ATXN7L1: variants seen among roughly 807,000 people sequenced by gnomAD.
The protein encoded by ATXN7L1 is ataxin 7 like 1.
Under a neutral mutation model 70.8 loss-of-function variants are expected in ATXN7L1, and 15 were observed. The ratio of observed to expected loss-of-function variants is 0.21; its 90% CI spans 0.14 to 0.33. The LOEUF (loss-of-function observed/expected upper bound fraction) is 0.33, where lower values mean the gene tolerates loss of function less well. Among genes scored for constraint, ATXN7L1 ranks in the 10% least tolerant of loss-of-function variants. ATXN7L1 has a pLI of 1.00. For synonymous variants in ATXN7L1, 440 were observed against 445.1 expected (o/e 0.99, Z 0.14); for missense variants, 975 against 1,097.1 (o/e 0.89, Z 1.57).
At chr7:105,797,402 G>T (rs1305655397) in intron 2 of ATXN7L1, among the ~76,000 whole-genome samples, 1 of 152,232 alleles carries the variant, frequency 6.6e-6, no homozygotes, top group Non-Finnish European at 1.5e-5. Flanking sequence ...TTCCTCAGGA[G>T]AAGGACCTTT....
chr7:105,720,643 C>T (rs944594402), intron 3 of ATXN7L1, among the ~76,000 whole-genome samples: 2 of 152,002 alleles, frequency 1.3e-5, no homozygotes, highest in East Asian at 3.9e-4. Flanking sequence ...GCTGGCTTTA[C>T]TATTTTTGGT....
intron 2 of ATXN7L1, among the ~76,000 whole-genome samples, chr7:105,796,453 C>A (rs1215390626): frequency 9.2e-5 from 14 of 152,178 alleles, no homozygotes; most frequent in Admixed American, 9.2e-4. Flanking sequence ...ATGTGACAAA[C>A]CTGTGACAAT....
chr7:105,692,428 C>CCCTCCCTCCTTCCTTCCTTCCTT (rs1791107168), intron 3 of ATXN7L1, among the ~76,000 whole-genome samples: 4 of 53,760 alleles, frequency 7.4e-5, no homozygotes, highest in South Asian at 7.7e-4. Context: ...CTTCCTTCCT[C>CCCTCCCTCCTTCCTTCCTTCCTT]CCTCCCTCCC....
chr7:105,804,111 T>G (rs891976500), intron 2 of ATXN7L1, among the ~76,000 whole-genome samples: 4 of 152,184 alleles, frequency 2.6e-5, no homozygotes, highest in African/African-American at 9.6e-5. Context: ...GAGGCTAGAA[T>G]GGGGTGCCCA....
intron 3 of ATXN7L1, among the ~76,000 whole-genome samples, chr7:105,749,162 G>C (rs553963457): frequency 3.3e-5 from 5 of 152,114 alleles, no homozygotes; most frequent in African/African-American, 1.2e-4. Flanking sequence ...ACAGGCCAAG[G>C]GGTTGGTGGA....
At chr7:105,759,446 G>A (rs1472202626) in intron 3 of ATXN7L1, among the ~76,000 whole-genome samples, 2 of 113,072 alleles carry the variant, frequency 1.8e-5, no homozygotes, top group African/African-American at 3.6e-5. Flanking sequence ...AGCTTGGATA[G>A]TGAGTGTGTG....
intron 4 of ATXN7L1, among the ~76,000 whole-genome samples, chr7:105,651,840 T>C (rs1305135963): frequency 2.0e-5 from 3 of 152,194 alleles, no homozygotes; most frequent in Non-Finnish European, 2.9e-5. Flanking sequence ...ATGTTAGGCA[T>C]TGGGGCTCTC....
chr7:105,773,735 G>A (rs1019653638), intron 3 of ATXN7L1, among the ~76,000 whole-genome samples: 4 of 151,994 alleles, frequency 2.6e-5, no homozygotes, highest in South Asian at 2.1e-4. Context: ...CTCCAGTGCC[G>A]GCTGAATAAT....
chr7:105,647,822 T>C (rs1799276416), intron 4 of ATXN7L1, among the ~76,000 whole-genome samples: 1 of 152,226 alleles, frequency 6.6e-6, no homozygotes, highest in Admixed American at 6.5e-5. Context: ...ATCTCTTTGG[T>C]GACACTTCTT....
chr7:105,713,319 C>A (rs771765353), intron 3 of ATXN7L1, among the ~76,000 whole-genome samples: 15 of 152,316 alleles, frequency 9.8e-5, no homozygotes, highest in South Asian at 4.1e-4. Flanking sequence ...GAGAACCACA[C>A]TTGGTGTAGC....
intron 3 of ATXN7L1, among the ~76,000 whole-genome samples, chr7:105,766,831 G>A (rs1801323544): frequency 6.6e-6 from 1 of 152,202 alleles, no homozygotes; most frequent in Admixed American, 6.5e-5. Flanking sequence ...TACACCCAGG[G>A]GGAACCAGCT....
At chr7:105,675,861 G>C (rs846927) in intron 3 of ATXN7L1, among the ~76,000 whole-genome samples, 86,192 of 151,156 alleles carry the variant, frequency 0.57, 24,672 homozygotes, top group South Asian at 0.65. Context: ...TAAAATGAAA[G>C]CTATTTCATT....
chr7:105,840,810 A>G (rs1229032782), intron 2 of ATXN7L1, among the ~76,000 whole-genome samples: 2 of 152,230 alleles, frequency 1.3e-5, no homozygotes, highest in African/African-American at 4.8e-5. Flanking sequence ...TTCCAGGTTT[A>G]CCTGCCCCAG....
Position 105,646,644 on chromosome 7 carries a change from G to A in ATXN7L1, c.579-3523C>T, listed in dbSNP as rs373688661. Among the ~76,000 whole-genome samples, 13 of 151,852 alleles carry A rather than the reference G, an allele frequency of 8.6e-5. No individual in the cohort carries two copies. The East Asian group carries it at 1.4e-3, about 16-fold the overall frequency. ...TGTTGGCCAGGCTGGTCTCAAACTCGTGACCTCAGGTGATCTGCCTGCCTC... is the reference window on the plus strand; with the variant it reads ...TGTTGGCCAGGCTGGTCTCAAACTCATGACCTCAGGTGATCTGCCTGCCTC... On this transcript the variant is annotated intron_variant, in intron 4 of 11. Coordinates refer to ENST00000419735, the MANE Select transcript of ATXN7L1 (RefSeq NM_020725.2).
At chr7:105,810,585 C>T (rs1808287294) in intron 2 of ATXN7L1, among the ~76,000 whole-genome samples, 1 of 152,152 alleles carries the variant, frequency 6.6e-6, no homozygotes, top group Non-Finnish European at 1.5e-5. Flanking sequence ...TGGAGCACAT[C>T]TAGGGGATGG....
intron 3 of ATXN7L1, among the ~76,000 whole-genome samples, chr7:105,696,890 G>A (rs1791783788): frequency 6.6e-6 from 1 of 152,188 alleles, no homozygotes; most frequent in South Asian, 2.1e-4. Flanking sequence ...GAGTACAAAA[G>A]AGAGAAATTT....
intron 5 of ATXN7L1, among the ~76,000 whole-genome samples, chr7:105,641,211 TC>T (rs1798148199): frequency 6.9e-5 from 7 of 101,440 alleles, no homozygotes; most frequent in African/African-American, 1.9e-4. Flanking sequence ...TCTCTCTCTC[TC>T]TCTTTTTTTT....
chr7:105,618,789 C>T (rs1584324242), intron 9 of ATXN7L1, among the ~76,000 whole-genome samples: 3 of 152,164 alleles, frequency 2.0e-5, no homozygotes, highest in Admixed American at 1.3e-4. Flanking sequence ...GATGGGGATA[C>T]CCAGTGGGCC....
At chr7:105,857,679 A>G (rs546917518) in intron 2 of ATXN7L1, among the ~76,000 whole-genome samples, 3 of 152,358 alleles carry the variant, frequency 2.0e-5, no homozygotes, top group African/African-American at 7.2e-5. Context: ...GTTAAAGTAG[A>G]GGGTCACTTG....
Sources: allele counts gnomAD v4.1 joint callset (sites outside exome capture counted in the v4.1 genomes callset), GRCh38; gene constraint gnomAD v4.1.1; transcripts MANE v1.5; gene names NCBI Gene and HGNC (gene_info 2026-07-23, HGNC 2026-07-21).